The following HIBCH variants were observed in gnomAD, a reference collection of about 807,000 sequenced individuals.
HIBCH encodes the protein 3-hydroxyisobutyryl-CoA hydrolase, mitochondrial.
Under a neutral mutation model 58.2 loss-of-function variants are expected in HIBCH, and 50 were observed. That is an observed-to-expected ratio of 0.86 (90% confidence interval 0.68 to 1.09). The LOEUF is 1.09. HIBCH is among the 50% of genes least tolerant of loss of function. HIBCH has a pLI of 0.00. For missense variants in HIBCH, 450 were observed against 449.7 expected, an observed-to-expected ratio of 1.00 and a Z score of -0.01; for synonymous variants, 151 against 146.9, an observed-to-expected ratio of 1.03 and a Z score of -0.20.
At chr2:190,245,846 C>T (rs1044105224) in intron 10 of HIBCH, among the ~76,000 whole-genome samples, 1 of 152,072 alleles carries the variant, frequency 6.6e-6, no homozygotes, top group Admixed American at 6.5e-5. Context: ...AAAAGTTCGA[C>T]AGGCATGGTA....
intron 11 of HIBCH, among the ~76,000 whole-genome samples, chr2:190,229,207 A>G (rs770066224): frequency 2.0e-5 from 3 of 152,208 alleles, no homozygotes; most frequent in Non-Finnish European, 4.4e-5. Flanking sequence ...GAATTCATGT[A>G]TATTTAGATC....
intron 11 of HIBCH, among the ~76,000 whole-genome samples, chr2:190,224,597 T>C (rs1028097507): frequency 6.6e-6 from 1 of 152,164 alleles, no homozygotes; most frequent in Non-Finnish European, 1.5e-5. Flanking sequence ...ATCCTAAATA[T>C]ATATGCACCC....
intron 1 of HIBCH, among the ~76,000 whole-genome samples, chr2:190,194,874 G>A (rs924945922): frequency 1.3e-5 from 2 of 152,084 alleles, no homozygotes; most frequent in South Asian, 2.1e-4. Context: ...ATTTTTTGAG[G>A]TGGGGTCTTG....
chr2:190,196,261 C>T (rs1416127398), intron 1 of HIBCH, among the ~76,000 whole-genome samples: 1 of 151,910 alleles, frequency 6.6e-6, no homozygotes, highest in East Asian at 1.9e-4. Flanking sequence ...AATCTTTTCC[C>T]TCCATTTTTC....
intron 2 of HIBCH, among the ~76,000 whole-genome samples, chr2:190,302,634 G>A (rs1368302999): frequency 6.6e-6 from 1 of 152,210 alleles, no homozygotes; most frequent in Non-Finnish European, 1.5e-5. Context: ...AGGGAAGAAA[G>A]ACTAATGGTG....
At chr2:190,237,325 T>G (rs1177731097) in intron 11 of HIBCH, among the ~76,000 whole-genome samples, 1 of 152,234 alleles carries the variant, frequency 6.6e-6, no homozygotes, top group Non-Finnish European at 1.5e-5. Flanking sequence ...AGTGGTCCTT[T>G]GCATCCACCA....
rs115550526 is a variant in HIBCH at position 190,276,682 on chromosome 2, C to G, written c.438+10904G>C. 5.7e-3 allele frequency among the ~76,000 whole-genome samples: 874 copies of G among 152,306 alleles called. 12 individuals are homozygous for G. The highest frequency in any genetic ancestry group is 0.019 in the African/African-American group (802 of 41,546). On this transcript the variant is annotated intron_variant, in intron 6 of 13. Transcript: ENST00000359678. Reference sequence around the variant, plus strand: ...CTATAATTGGAAGTTACCTGAAGCCCTCACCAGAAGCAGATGCTAGTGCCA... The same window carrying G: ...CTATAATTGGAAGTTACCTGAAGCCGTCACCAGAAGCAGATGCTAGTGCCA...
In HIBCH at chr2:190,254,326, T is replaced by A. The variant is rs147306543; in HGVS notation, c.518-2019A>T. ...GCATGTGAACAGAGAAAAGGCCACA[T>A]GAGGACAGAGCAAGAAGGCAGCAGT... On this transcript the variant is annotated intron_variant, in intron 7 of 13. Coordinates refer to ENST00000359678, the MANE Select transcript of HIBCH (RefSeq NM_014362.4). This position sits in a 1 kb window ranked among gnomAD's most constrained non-coding sequence, Gnocchi z 5.0. 7.0e-4 allele frequency among the ~76,000 whole-genome samples: 107 copies of A among 152,122 alleles called. No homozygotes were observed. The highest frequency in any genetic ancestry group is 2.5e-3 in the African/African-American group (105 of 41,496).
chr2:190,310,874 T>C (rs558379955), intron 1 of HIBCH, 78 bp from the exon 2 acceptor site: 1 of 1,008,498 alleles, frequency 9.9e-7, no homozygotes, highest in African/African-American at 1.6e-5. Context: ...TATCACCTTT[T>C]GTTTCAGCCT....
At chr2:190,242,776 T>C (rs1686489677) in intron 11 of HIBCH, among the ~76,000 whole-genome samples, 1 of 152,182 alleles carries the variant, frequency 6.6e-6, no homozygotes, top group Admixed American at 6.5e-5. Context: ...AAAAACATGT[T>C]TGTGCATGCA....
intron 9 of HIBCH, among the ~76,000 whole-genome samples, chr2:190,247,525 C>A (rs1490669638): frequency 6.6e-6 from 1 of 152,152 alleles, no homozygotes; most frequent in Admixed American, 6.5e-5. Context: ...GGTACTATTT[C>A]TCCAAATATT....
At chr2:190,224,558 A>T (rs1685833313) in intron 11 of HIBCH, among the ~76,000 whole-genome samples, 1 of 152,226 alleles carries the variant, frequency 6.6e-6, no homozygotes, top group Non-Finnish European at 1.5e-5. Context: ...ATAATGGTAA[A>T]GGGATCAATT....
chr2:190,196,505 A>G (rs542523606), intron 1 of HIBCH, among the ~76,000 whole-genome samples: 2 of 145,920 alleles, frequency 1.4e-5, no homozygotes, highest in East Asian at 3.9e-4. Context: ...ATTAATTTCT[A>G]TTAAGAAATG....
intron 11 of HIBCH, among the ~76,000 whole-genome samples, chr2:190,238,386 C>G (rs1208697290): frequency 6.6e-6 from 1 of 152,122 alleles, no homozygotes; most frequent in Non-Finnish European, 1.5e-5. Flanking sequence ...AGATAGTTAC[C>G]TCATTGTGGT....
chr2:190,272,821 C>T (rs1279721407), intron 6 of HIBCH, among the ~76,000 whole-genome samples: 4 of 151,950 alleles, frequency 2.6e-5, no homozygotes, highest in Non-Finnish European at 4.4e-5. Flanking sequence ...AAGTACTCTC[C>T]AACTTAGATA....
In HIBCH at chr2:190,254,067, T is replaced by C. The variant is rs994307763; in HGVS notation, c.518-1760A>G. Among the ~76,000 whole-genome samples, 1 of 152,130 alleles carries C rather than the reference T, an allele frequency of 6.6e-6. No homozygotes were observed. Among genetic ancestry groups the C allele is most frequent in the African/African-American group, 2.4e-5 (1 of 41,426 alleles). On this transcript the variant is annotated intron_variant, in intron 7 of 13. Transcript: ENST00000359678. The surrounding 1 kb of genome is among the most constrained non-coding windows in gnomAD (Gnocchi z 5.0). Reference sequence around the variant, plus strand: ...TAGGCTACCTCCTCTTTCCTATATATACATTTTCCTTAACTCCTATGACTT... The same window carrying C: ...TAGGCTACCTCCTCTTTCCTATATACACATTTTCCTTAACTCCTATGACTT...
intron 13 of HIBCH, 121 bp downstream of exon 13, chr2:190,208,759 C>A: frequency 2.6e-6 from 2 of 771,580 alleles, no homozygotes; most frequent in Non-Finnish European, 2.2e-6. Flanking sequence ...CAAATAGTTT[C>A]AGATTTTGGT....
At chr2:190,205,428 T>G (rs1305577592) in intron 13 of HIBCH, among the ~76,000 whole-genome samples, 196 bp from the exon 14 acceptor site, 1 of 152,192 alleles carries the variant, frequency 6.6e-6, no homozygotes, top group African/African-American at 2.4e-5. Flanking sequence ...TTTTGATGAC[T>G]GGGGTGGATA....
intron 2 of HIBCH, among the ~76,000 whole-genome samples, chr2:190,303,199 G>A (rs1688314045): frequency 6.6e-6 from 1 of 152,176 alleles, no homozygotes; most frequent in South Asian, 2.1e-4. Context: ...ACATGGGTAA[G>A]TACATAGTGT....
Sources: allele counts gnomAD v4.1 joint callset (sites outside exome capture counted in the v4.1 genomes callset), GRCh38; gene constraint gnomAD v4.1.1; non-coding constraint Gnocchi (gnomAD v3.1); transcripts MANE v1.5; gene names NCBI Gene and HGNC (gene_info 2026-07-23, HGNC 2026-07-21).